The following MINDY3 variants were observed in gnomAD, a reference collection of about 807,000 sequenced individuals.
MINDY3 encodes MINDY lysine 48 deubiquitinase 3, also known as ubiquitin carboxyl-terminal hydrolase MINDY-3.
Under a neutral mutation model 69.2 loss-of-function variants are expected in MINDY3, and 38 were observed. The observed-to-expected ratio is 0.55, with a 90% CI of 0.42 to 0.72. The LOEUF (loss-of-function observed/expected upper bound fraction) is 0.72. Ranked by LOEUF, MINDY3 falls within the 30% of genes least tolerant of loss-of-function variation. MINDY3 has a pLI of 0.00. For synonymous variants in MINDY3, 192 were observed against 180.1 expected (o/e 1.07, Z -0.53); for missense variants, 522 against 519.0 (o/e 1.01, Z -0.06).
At chr10:15,849,722 T>C (rs1431796338) in intron 1 of MINDY3, among the ~76,000 whole-genome samples, 2 of 152,094 alleles carry the variant, frequency 1.3e-5, no homozygotes, top group East Asian at 1.9e-4. Flanking sequence ...GAGGGTGCCA[T>C]TCCATCCCAT....
chr10:15,841,199 T>G (rs1345336474), intron 4 of MINDY3, among the ~76,000 whole-genome samples: 1 of 151,514 alleles, frequency 6.6e-6, no homozygotes, highest in Non-Finnish European at 1.5e-5. Context: ...CCAGAACATT[T>G]TTAAAAGTTT....
At position 15,796,183 on chromosome 10, in the gene MINDY3, A is replaced by G. The variant is rs914626467; in HGVS notation, c.883-11T>C. The G allele has an allele frequency of 1.2e-6, 2 of 1,609,886 alleles. No individual in the cohort carries two copies. Among genetic ancestry groups the G allele is most frequent in the Non-Finnish European group, 1.7e-6 (2 of 1,176,714 alleles). On this transcript the variant is annotated splice_polypyrimidine_tract_variant and intron_variant, in intron 10 of 14. Coordinates refer to ENST00000277632, the MANE Select transcript of MINDY3 (RefSeq NM_024948.4). ...AACTAAAGCCATATCCTGAAAAGATAAGAAGCATGTTGTCAACCAGCTACA... is the reference window on the plus strand; with the variant it reads ...AACTAAAGCCATATCCTGAAAAGATGAGAAGCATGTTGTCAACCAGCTACA...
intron 10 of MINDY3, among the ~76,000 whole-genome samples, chr10:15,809,097 C>T (rs905996864): frequency 3.3e-5 from 5 of 151,996 alleles, no homozygotes; most frequent in African/African-American, 4.8e-5. Flanking sequence ...GTTCCCAATT[C>T]GAGGGAAATT....
At chr10:15,829,239 G>C (rs533251898) in intron 8 of MINDY3, among the ~76,000 whole-genome samples, 1 of 152,176 alleles carries the variant, frequency 6.6e-6, no homozygotes, top group Non-Finnish European at 1.5e-5. Flanking sequence ...AATGGGGCCA[G>C]ATGGAATGAG....
At chr10:15,829,617 A>C (rs1840322540) in intron 8 of MINDY3, among the ~76,000 whole-genome samples, 1 of 152,214 alleles carries the variant, frequency 6.6e-6, no homozygotes, top group African/African-American at 2.4e-5. Flanking sequence ...GAGTCATTGA[A>C]GGCACTGAGC....
intron 9 of MINDY3, chr10:15,817,725 T>A (rs1839473755): frequency 6.6e-6 from 1 of 152,200 alleles, no homozygotes; most frequent in Non-Finnish European, 1.5e-5. Flanking sequence ...TGCATTTTCC[T>A]TTTTCTTACA....
At chr10:15,814,930 T>A (rs1191748332) in intron 10 of MINDY3, among the ~76,000 whole-genome samples, 3 of 152,218 alleles carry the variant, frequency 2.0e-5, no homozygotes, top group Non-Finnish European at 4.4e-5. Context: ...GTATTATACC[T>A]TCTGTGAAAT....
Position 15,778,877 on chromosome 10 carries a change from G to T in MINDY3, c.*115C>A. On this transcript the variant is annotated 3_prime_UTR_variant, in exon 15 of 15. Transcript: ENST00000277632. ...AAACACTGAAAATGTGTTTTTAATT[G>T]TTATTTACAGTTAATCAGTGATACC... 1 of 777,492 alleles carries T rather than the reference G, an allele frequency of 1.3e-6. No individual in the cohort carries two copies. The highest frequency in any genetic ancestry group is 2.0e-6 in the Non-Finnish European group (1 of 504,004). 48.2% of individuals were successfully genotyped at this position (777,492 alleles called of 1,614,324 possible).
At chr10:15,853,320 G>A (rs1564535316) in intron 1 of MINDY3, among the ~76,000 whole-genome samples, 1 of 151,924 alleles carries the variant, frequency 6.6e-6, no homozygotes, top group Non-Finnish European at 1.5e-5. Context: ...CCTTTCAGGG[G>A]GCCCACTGGA....
At position 15,782,290 on chromosome 10, in the gene MINDY3, C is replaced by T; in HGVS notation, c.1117-64G>A. 3 of 1,122,310 alleles carry T rather than the reference C, an allele frequency of 2.7e-6. No homozygotes were observed. In the South Asian group the frequency reaches 4.2e-5, roughly 16 times the overall value. The allele number at this position is 1,122,310 out of a possible 1,614,324, so 69.5% of individuals were successfully genotyped here. A position where few individuals can be genotyped will look rare whatever the true frequency, so the allele number is the denominator to read the frequency against. The stretch of plus-strand genomic sequence containing the variant: ...TTTATATCAGGCAATTTCTAATCAA[C>T]TGAAAGTAAAATGCATGTTTCTCAA... On this transcript the variant is annotated intron_variant, in intron 13 of 14. Transcript: ENST00000277632.
Position 15,841,568 on chromosome 10 carries a change from G to C in MINDY3, c.267C>G (p.Thr89=), listed in dbSNP as rs771937459. Residue 89 remains threonine (T), a synonymous_variant, in exon 4 of 15, where the codon ACC becomes ACG. Transcript: ENST00000277632. The part of the protein sequence containing the change: ...EEEQKELLCH[T]LCDILESACC... ...AAGCACTTTCTAAAATATCACACAA[G>C]GTATGACAAAGGAGTTCCTTCTGCT... 1.9e-6 allele frequency: 3 copies of C among 1,609,336 alleles called. No individual in the cohort carries two copies. In the East Asian group the frequency reaches 6.7e-5, roughly 36 times the overall value.
chr10:15,837,380 G>A (rs1358727755), intron 5 of MINDY3, 62 bp from the exon 6 acceptor site: 2 of 1,341,670 alleles, frequency 1.5e-6, no homozygotes, highest in Non-Finnish European at 2.1e-6. Flanking sequence ...TCATAAAAGG[G>A]AAAATTTTTA....
intron 1 of MINDY3, among the ~76,000 whole-genome samples, chr10:15,852,005 C>T (rs767039717): frequency 9.9e-5 from 15 of 152,158 alleles, no homozygotes; most frequent in Middle Eastern, 3.4e-3. Context: ...ATGCTCTTTC[C>T]GCTACTCTCC....
intron 1 of MINDY3, among the ~76,000 whole-genome samples, chr10:15,859,419 T>A (rs1221233050): frequency 6.6e-6 from 1 of 152,172 alleles, no homozygotes; most frequent in Non-Finnish European, 1.5e-5. Context: ...TAGGAATGTG[T>A]CAGTTGTTTG....
chr10:15,790,928 C>A (rs918315802), intron 11 of MINDY3, among the ~76,000 whole-genome samples: 1 of 152,100 alleles, frequency 6.6e-6, no homozygotes, highest in Non-Finnish European at 1.5e-5. Flanking sequence ...CCATAACCTG[C>A]AACTCAGTTC....
chr10:15,802,249 T>A (rs1489911856), intron 10 of MINDY3, among the ~76,000 whole-genome samples: 2 of 152,110 alleles, frequency 1.3e-5, no homozygotes, highest in Non-Finnish European at 2.9e-5. Flanking sequence ...AAAAACGAAC[T>A]GCATTAGTCT....
chr10:15,816,628 C>T (rs1839387886), intron 10 of MINDY3, among the ~76,000 whole-genome samples: 1 of 152,066 alleles, frequency 6.6e-6, no homozygotes, highest in African/African-American at 2.4e-5. Flanking sequence ...GAAATTATAA[C>T]TAAATCATGA....
At chr10:15,819,853 A>AT (rs1161043786) in intron 9 of MINDY3, among the ~76,000 whole-genome samples, 1 of 152,222 alleles carries the variant, frequency 6.6e-6, no homozygotes, top group African/African-American at 2.4e-5. Context: ...CACAGCAGCG[A>AT]TTGACTTCCC....
chr10:15,860,082 G>A (rs1429579778), intron 1 of MINDY3, 124 bp downstream of exon 1: 17 of 724,118 alleles, frequency 2.3e-5, no homozygotes, highest in Admixed American at 7.0e-5. Flanking sequence ...CAGCTTCAGC[G>A]CTGAGCACGG....
Sources: allele counts gnomAD v4.1 joint callset (sites outside exome capture counted in the v4.1 genomes callset), GRCh38; gene constraint gnomAD v4.1.1; transcripts MANE v1.5; gene names NCBI Gene and HGNC (gene_info 2026-07-23, HGNC 2026-07-21).